Variants in PKD1L1 observed in about 807,000 individuals in gnomAD.
PKD1L1 encodes the protein polycystin 1 like 1, transient receptor potential channel interacting, also known as polycystin-1-like protein 1.
PKD1L1 carries 236 observed loss-of-function variants against 323.4 expected under a neutral mutation model. The ratio of observed to expected loss-of-function variants is 0.73; its 90% CI spans 0.66 to 0.81. PKD1L1 has a LOEUF of 0.81. Among genes scored for constraint, PKD1L1 ranks in the 40% least tolerant of loss-of-function variants. The pLI, the probability that PKD1L1 is intolerant of heterozygous loss-of-function variation, is 0.00. For synonymous variants in PKD1L1, 1,344 were observed against 1,335.0 expected (o/e 1.01, Z -0.15); for missense variants, 3,320 against 3,508.0 (o/e 0.95, Z 1.35).
Position 47,843,038 on chromosome 7 carries a change from G to A in PKD1L1, c.5369C>T (p.Ala1790Val), listed in dbSNP as rs749001716. The A allele has an allele frequency of 5.0e-6, 8 of 1,614,032 alleles. No individual in the cohort carries two copies. Among genetic ancestry groups the A allele is most frequent in the Admixed American group, 1.7e-5 (1 of 60,016 alleles). ...KKAGYIFLQEASLPGHQLYAV... is the reference protein window; with the variant it reads ...KKAGYIFLQEVSLPGHQLYAV... ...ATATAGCTGATGGCCCGGCAGGGAA[G>A]CTTCTTGCAGAAAGATGTAACCAGC... The change falls in exon 34 of 57, where the codon GCT becomes GTT. Residue 1790 changes from alanine to valine, a missense_variant. Physicochemically the swap from Ala to Val is moderately conservative, Grantham distance 64. Transcript: ENST00000289672.
At chr7:47,832,735 C>T (rs1276956085) in intron 41 of PKD1L1, among the ~76,000 whole-genome samples, 4 of 152,244 alleles carry the variant, frequency 2.6e-5, no homozygotes, top group Non-Finnish European at 4.4e-5. Flanking sequence ...CCTGCCTCTA[C>T]CAGCTCATTG....
In PKD1L1 at chr7:47,809,495, C is replaced by T. The variant is rs201480596; in HGVS notation, c.7664G>A (p.Arg2555Gln). The T allele has an allele frequency of 2.1e-5, 34 of 1,605,322 alleles. No homozygotes were observed. Among genetic ancestry groups the T allele is most frequent in the South Asian group, 1.3e-4 (12 of 88,942 alleles). ...TACCTCCAGCCAGTTCCTTGGCTTT[C>T]GCCAGTAGCTGAGGACGCCCTTGTC... ...MMDKGVLSYW[R>Q]KPRNWLELSV... Residue 2555 changes from arginine (R) to glutamine (Q), a missense_variant, in exon 51 of 57, where the codon CGA (arginine) becomes CAA (glutamine). Physicochemically the swap from Arg to Gln is conservative, Grantham distance 43. Transcript: ENST00000289672.
intron 2 of PKD1L1, among the ~76,000 whole-genome samples, chr7:47,942,929 G>A (rs529604949): frequency 2.0e-5 from 3 of 152,128 alleles, no homozygotes; most frequent in Admixed American, 6.5e-5. Flanking sequence ...GGCAGATCAC[G>A]AGGTCAGGAG....
chr7:47,904,075 T>C (rs1417617597), intron 12 of PKD1L1, among the ~76,000 whole-genome samples: 1 of 152,132 alleles, frequency 6.6e-6, no homozygotes, highest in African/African-American at 2.4e-5. Context: ...GGAGCCTCTC[T>C]CCCATTTCCC....
chr7:47,891,297 T>C (rs1446242795), intron 15 of PKD1L1, among the ~76,000 whole-genome samples: 1 of 152,228 alleles, frequency 6.6e-6, no homozygotes, highest in Admixed American at 6.5e-5. Context: ...ACAGTCTTTC[T>C]GCAATATAAC....
intron 53 of PKD1L1, among the ~76,000 whole-genome samples, chr7:47,802,852 G>A (rs989755027): frequency 1.3e-5 from 2 of 152,214 alleles, no homozygotes; most frequent in African/African-American, 4.8e-5. Context: ...CCTGTCCATA[G>A]CTTGGTTGTG....
chr7:47,909,484 C>A (rs912536259), intron 8 of PKD1L1, among the ~76,000 whole-genome samples: 2 of 152,192 alleles, frequency 1.3e-5, no homozygotes, highest in Non-Finnish European at 2.9e-5. Context: ...CTACCATGAG[C>A]CTCTTTGAAT....
the PKD1L1 span, among the ~76,000 whole-genome samples, chr7:47,960,178 C>T: frequency 5.1e-5 from 7 of 138,586 alleles, no homozygotes; most frequent in Non-Finnish European, 1.1e-4. Flanking sequence ...GCAGCATGCT[C>T]GTTAAGAGTC....
At chr7:47,890,275 C>T (rs1260829526) in intron 16 of PKD1L1, among the ~76,000 whole-genome samples, 2 of 152,214 alleles carry the variant, frequency 1.3e-5, no homozygotes, top group South Asian at 2.1e-4. Context: ...GGAGGGTTCC[C>T]GATGAGGTTC....
At chr7:47,873,748 A>C in intron 24 of PKD1L1, 151 bp downstream of exon 24, 1 of 558,052 alleles carries the variant, frequency 1.8e-6, no homozygotes, top group Admixed American at 3.4e-5. Flanking sequence ...GCAGGATTGC[A>C]GTGATAGCAC....
chr7:47,893,851 G>C, intron 15 of PKD1L1, 27 bp downstream of exon 15: 1 of 1,606,334 alleles, frequency 6.2e-7, no homozygotes, highest in Non-Finnish European at 8.5e-7. Flanking sequence ...GAGTAGCTGC[G>C]CAGCTCTGTG....
At chr7:47,886,991 A>G (rs1786699599) in intron 17 of PKD1L1, among the ~76,000 whole-genome samples, 1 of 152,210 alleles carries the variant, frequency 6.6e-6, no homozygotes, top group Non-Finnish European at 1.5e-5. Context: ...GGAGAGCCCA[A>G]TTCTTTGAGA....
intron 13 of PKD1L1, 56 bp from the exon 14 acceptor site, chr7:47,898,250 T>C (rs1026644535): frequency 1.4e-6 from 2 of 1,417,642 alleles, no homozygotes; most frequent in African/African-American, 1.4e-5. Flanking sequence ...TCTAATGTAC[T>C]GGTAAATTAC....
At position 47,890,655 on chromosome 7, in the gene PKD1L1, T is replaced by C. The variant is rs530943075; in HGVS notation, c.2562A>G (p.Gln854=). Reference sequence around the variant, plus strand: ...ACTGATCATAGCTGTCACTGAGCCATTGTGCCTCAAAGGAAACAGTGGGAG... The same window carrying C: ...ACTGATCATAGCTGTCACTGAGCCACTGTGCCTCAAAGGAAACAGTGGGAG... ...AAAPTVSFEA[Q]WLSDSYDQFL... is the part of the protein sequence containing the mutation. Residue 854 remains glutamine, a synonymous_variant, in exon 16 of 57, where the codon CAA becomes CAG. Coordinates refer to ENST00000289672, the MANE Select transcript of PKD1L1 (RefSeq NM_138295.5). 31 of 1,613,982 alleles carry C rather than the reference T, an allele frequency of 1.9e-5. No homozygotes were observed. The highest frequency in any genetic ancestry group is 6.6e-5 in the South Asian group (6 of 91,076).
chr7:47,902,018 A>C (rs920494427), intron 13 of PKD1L1, among the ~76,000 whole-genome samples: 1 of 150,278 alleles, frequency 6.7e-6, no homozygotes, highest in Non-Finnish European at 1.5e-5. Flanking sequence ...ATCCAAAAAA[A>C]GAAAGGAAAG....
intron 7 of PKD1L1, among the ~76,000 whole-genome samples, chr7:47,923,236 T>C (rs896341672): frequency 6.6e-6 from 1 of 151,726 alleles, no homozygotes; most frequent in African/African-American, 2.4e-5. Flanking sequence ...CCAGAGACCT[T>C]TGTTCACATG....
At chr7:47,931,791 C>G in intron 5 of PKD1L1, 145 bp downstream of exon 5, 1 of 1,074,726 alleles carries the variant, frequency 9.3e-7, no homozygotes, top group Non-Finnish European at 1.3e-6. Context: ...ACTGCCTGAG[C>G]AGTGTCCAAA....
At position 47,788,576 on chromosome 7, in the gene PKD1L1, TA is replaced by T. The variant is rs1379654884; in HGVS notation, c.8526+4050del. Among the ~76,000 whole-genome samples, 373 of 98,164 alleles carry T rather than the reference TA, an allele frequency of 3.8e-3. 1 individual carries two copies. Among genetic ancestry groups the T allele is most frequent in the African/African-American group, 5.5e-3 (128 of 23,096 alleles). 64.4% of individuals were successfully genotyped at this position (98,164 alleles called of 152,430 possible). A position where few individuals can be genotyped will look rare whatever the true frequency, so the allele number is the denominator to read the frequency against. On this transcript the variant is annotated intron_variant, in intron 56 of 56. Transcript: ENST00000289672. ...CCCAGCCCAGTTATATATATATATA[TA>T]TTTTTTTTTTTTAATTTTAATTTTA...
intron 56 of PKD1L1, 93 bp from the exon 57 acceptor site, chr7:47,775,259 G>T: frequency 1.4e-6 from 2 of 1,428,402 alleles, no homozygotes; most frequent in South Asian, 1.2e-5. Flanking sequence ...GTGCTGATCA[G>T]ACCTGAACAC....
Sources: allele counts gnomAD v4.1 joint callset (sites outside exome capture counted in the v4.1 genomes callset), GRCh38; gene constraint gnomAD v4.1.1; transcripts MANE v1.5; gene names NCBI Gene and HGNC (gene_info 2026-07-23, HGNC 2026-07-21).